The following MED1 variants were observed in gnomAD, a reference collection of about 807,000 sequenced individuals.
MED1 encodes mediator of RNA polymerase II transcription subunit 1.
In MED1, 17 loss-of-function variants were observed where a neutral mutation model predicts 121.3. That is an observed-to-expected ratio of 0.14 (90% CI 0.10 to 0.21). The LOEUF is 0.21. Ranked by LOEUF, MED1 falls within the 10% of genes least tolerant of loss-of-function variation. The probability of loss-of-function intolerance (pLI) is 1.00; values close to 1 mark genes in which losing one functional copy is unlikely to be tolerated. For missense variants in MED1, 1,558 were observed against 1,919.4 expected (o/e 0.81, Z 3.52); for synonymous variants, 661 against 694.4 (o/e 0.95, Z 0.76).
rs141119632 is a variant in MED1, at chr17:39,419,851, A to G, written c.1163T>C (p.Leu388Pro). The change falls in exon 14 of 17, where the codon CTA (leucine) becomes CCA (proline). Residue 388 changes from leucine (L) to proline (P), a missense_variant. By Grantham distance (98) the Leu-to-Pro change is moderately conservative. Transcript: ENST00000300651. ...KDAPLPDGRS[L>P]QGTLVSKITF... is the part of the protein sequence containing the mutation. ...GATTTTGCTAACAAGGGTTCCCTGT[A>G]GACTTCGGCCATCTGGAAGAGGAGC... is the stretch of plus-strand genomic sequence containing the variant. 3.1e-6 allele frequency: 5 copies of G among 1,614,044 alleles called. No homozygotes were observed. The highest frequency in any genetic ancestry group is 4.2e-6 in the Non-Finnish European group (5 of 1,180,008).
chr17:39,423,280 G>A (rs1339108330), intron 13 of MED1, 47 bp downstream of exon 13: 1 of 1,354,460 alleles, frequency 7.4e-7, no homozygotes, highest in South Asian at 1.2e-5. Flanking sequence ...ATGATCTTGG[G>A]TCCAAACATA....
intron 2 of MED1, 37 bp downstream of exon 2, chr17:39,447,761 A>T: frequency 1.4e-6 from 2 of 1,454,202 alleles, no homozygotes; most frequent in Non-Finnish European, 1.9e-6. Context: ...ATAATTATCT[A>T]AGCAAAACAC....
At chr17:39,442,172 T>C (rs2048681922) in intron 3 of MED1, among the ~76,000 whole-genome samples, 1 of 152,012 alleles carries the variant, frequency 6.6e-6, no homozygotes, top group Non-Finnish European at 1.5e-5. Flanking sequence ...AATCTGTTTT[T>C]ACTTTCATTA....
Position 39,436,166 on chromosome 17 carries a change from T to C in MED1, c.429-1846A>G, listed in dbSNP as rs980165216. Among the ~76,000 whole-genome samples, 3 of 151,484 alleles carry C rather than the reference T, an allele frequency of 2.0e-5. No homozygotes were observed. In the East Asian group the frequency reaches 5.8e-4, roughly 29 times the overall value. ...TCACGAGGTCAGGAGATCGAAACCA[T>C]CCTGGCTAACACGATGAAACCTCGT... On this transcript the variant is annotated intron_variant, in intron 6 of 16. Transcript: ENST00000300651.
At chr17:39,417,733 C>T (rs947332518) in intron 14 of MED1, among the ~76,000 whole-genome samples, 9 of 152,176 alleles carry the variant, frequency 5.9e-5, no homozygotes, top group East Asian at 5.8e-4. Flanking sequence ...ATCAACAGAG[C>T]GCTTCTGACT....
intron 2 of MED1, among the ~76,000 whole-genome samples, 154 bp downstream of exon 2, chr17:39,447,644 C>A (rs1344370168): frequency 2.0e-5 from 3 of 152,048 alleles, no homozygotes; most frequent in Non-Finnish European, 4.4e-5. Context: ...GGATATTCAA[C>A]CTGTAGTATA....
intron 16 of MED1, among the ~76,000 whole-genome samples, chr17:39,411,576 C>T (rs188082247): frequency 6.6e-6 from 1 of 152,252 alleles, no homozygotes; most frequent in East Asian, 1.9e-4. Context: ...GAGCCAAGAT[C>T]GTCCCATTGC....
chr17:39,420,945 G>A (rs914888091), intron 13 of MED1, among the ~76,000 whole-genome samples: 6 of 151,082 alleles, frequency 4.0e-5, no homozygotes, highest in Non-Finnish European at 7.4e-5. Context: ...ACAGGCGCCC[G>A]CCACCACACC....
intron 13 of MED1, 124 bp from the exon 14 acceptor site, chr17:39,420,042 C>A: frequency 1.4e-6 from 1 of 710,492 alleles, no homozygotes; most frequent in South Asian, 1.9e-5. Flanking sequence ...ATGTTTTCAT[C>A]AGCTGATATT....
intron 14 of MED1, among the ~76,000 whole-genome samples, chr17:39,418,511 C>A (rs982984419): frequency 1.3e-5 from 2 of 150,214 alleles, no homozygotes; most frequent in East Asian, 3.9e-4. Flanking sequence ...TCAGTCTGGG[C>A]AACAGAGTGA....
intron 6 of MED1, among the ~76,000 whole-genome samples, chr17:39,434,604 G>T (rs2048600928): frequency 6.6e-6 from 1 of 152,100 alleles, no homozygotes; most frequent in South Asian, 2.1e-4. Context: ...TGTTTTATTA[G>T]CTCCCAAGCA....
At chr17:39,437,508 A>G (rs545804579) in intron 6 of MED1, among the ~76,000 whole-genome samples, 1 of 152,304 alleles carries the variant, frequency 6.6e-6, no homozygotes, top group East Asian at 1.9e-4. Context: ...TATTAAACAT[A>G]ATAGAATGCA....
At position 39,419,909 on chromosome 17, in the gene MED1, C is replaced by A. The variant is rs767010021; in HGVS notation, c.1105G>T (p.Gly369Cys). The A allele has an allele frequency of 4.3e-6, 7 of 1,613,682 alleles. No individual in the cohort carries two copies. The Admixed American group carries it at 1.0e-4, about 23-fold the overall frequency. Residue 369 changes from glycine to cysteine, a missense_variant, in exon 14 of 17, where the codon GGT becomes TGT. Around this residue, in one of 5 missense-constraint regions of MED1, gnomAD observed 443 missense variants for 532.4 expected, o/e 0.83. Coordinates refer to ENST00000300651, the MANE Select transcript of MED1 (RefSeq NM_004774.4). ...TTGAGGAAATAGCAGTGCTGCTGAC[C>A]AGGAAGAGCCTGGGCAAAAAGAACA... Reference protein sequence around the residue: ...HNMRFYAALPGQQHCYFLNKD... With the variant: ...HNMRFYAALPCQQHCYFLNKD...
chr17:39,450,503 C>T (rs1323649724), intron 1 of MED1, among the ~76,000 whole-genome samples: 2 of 152,148 alleles, frequency 1.3e-5, no homozygotes, highest in Admixed American at 6.6e-5. Context: ...GAGTGTGGAA[C>T]TTTAGAAAAT....
chr17:39,431,256 T>C, intron 8 of MED1, 68 bp from the exon 9 acceptor site: 1 of 1,266,592 alleles, frequency 7.9e-7, no homozygotes, highest in South Asian at 1.3e-5. Flanking sequence ...ACTGTGATAT[T>C]GAGTTCACCT....
At chr17:39,447,717 A>C in intron 2 of MED1, 81 bp downstream of exon 2, 4 of 1,001,700 alleles carry the variant, frequency 4.0e-6, no homozygotes, top group Non-Finnish European at 6.1e-6. Flanking sequence ...AGATAGTATG[A>C]ACACATCTAC....
In MED1 at chr17:39,440,729, T is replaced by A; in HGVS notation, c.212-52A>T. The A allele has an allele frequency of 3.4e-6, 5 of 1,470,734 alleles. No individual in the cohort carries two copies. The highest frequency in any genetic ancestry group is 4.7e-6 in the Non-Finnish European group (5 of 1,062,514). The allele number at this position is 1,470,734 out of a possible 1,614,324, so 91.1% of individuals were successfully genotyped here. The stretch of plus-strand genomic sequence containing the variant: ...CAAAGAATGCTCCAAATGACTTAAA[T>A]GATATTCTTTTAAGACAGAAAGATT... On this transcript the variant is annotated intron_variant, in intron 3 of 16. Coordinates refer to ENST00000300651, the MANE Select transcript of MED1 (RefSeq NM_004774.4). The surrounding 1 kb of genome is among the most constrained non-coding windows in gnomAD (Gnocchi z 4.1).
chr17:39,414,634 CT>C (rs55829399), intron 16 of MED1, among the ~76,000 whole-genome samples: 60 of 61,474 alleles, frequency 9.8e-4, no homozygotes, highest in African/African-American at 2.8e-3. Context: ...CAGGCCCGGC[CT>C]TTTTTTTTTT....
At chr17:39,450,278 ACT>A (rs758854003) in intron 1 of MED1, among the ~76,000 whole-genome samples, 5 of 151,676 alleles carry the variant, frequency 3.3e-5, no homozygotes, top group Non-Finnish European at 7.4e-5. Flanking sequence ...TCCAAAACAC[ACT>A]CTTTGTTTTT....
Sources: allele counts gnomAD v4.1 joint callset (sites outside exome capture counted in the v4.1 genomes callset), GRCh38; gene constraint gnomAD v4.1.1; regional missense constraint gnomAD v4.1.1; non-coding constraint Gnocchi (gnomAD v3.1); transcripts MANE v1.5; gene names NCBI Gene and HGNC (gene_info 2026-07-23, HGNC 2026-07-21).